MYO6: variants seen among roughly 807,000 people sequenced by gnomAD.
MYO6 encodes unconventional myosin-VI.
A neutral mutation model predicts 178.7 loss-of-function variants in MYO6; 74 were observed. That is an observed-to-expected ratio of 0.41 (90% CI 0.34 to 0.50). The LOEUF is 0.50. MYO6 is among the 20% of genes least tolerant of loss of function. The pLI is 0.09. For missense variants in MYO6, 1,330 were observed against 1,547.4 expected (o/e 0.86, Z 2.36); for synonymous variants, 477 against 504.6 (o/e 0.95, Z 0.73).
rs61037411 is a variant in MYO6, at chr6:75,864,260, T to C, written c.1674+1537T>C. Among the ~76,000 whole-genome samples, 535 of 152,308 alleles carry C rather than the reference T, an allele frequency of 3.5e-3. 2 individuals are homozygous for C. Among genetic ancestry groups the C allele is most frequent in the African/African-American group, 0.012 (495 of 41,558 alleles). On this transcript the variant is annotated intron_variant, in intron 16 of 34. Coordinates refer to ENST00000369977, the MANE Select transcript of MYO6 (RefSeq NM_004999.4). Reference sequence around the variant, plus strand: ...ACTTAAGTGAATGGTAACAAGTAGTTTTGTTTCTATTCATCATTAACAAAA... The same window carrying C: ...ACTTAAGTGAATGGTAACAAGTAGTCTTGTTTCTATTCATCATTAACAAAA...
intron 7 of MYO6, among the ~76,000 whole-genome samples, chr6:75,839,887 C>G (rs1774044388): frequency 6.6e-6 from 1 of 151,648 alleles, no homozygotes; most frequent in Non-Finnish European, 1.5e-5. Context: ...CCTATATTTT[C>G]TCACAAGAGG....
intron 1 of MYO6, among the ~76,000 whole-genome samples, chr6:75,776,653 AGTGTGTGTGTGT>A (rs35830759): frequency 2.1e-5 from 3 of 144,654 alleles, no homozygotes; most frequent in African/African-American, 5.1e-5. Context: ...AGAAACGTGC[AGTGTGTGTGTGT>A]GTGTGTGTGT....
intron 1 of MYO6, among the ~76,000 whole-genome samples, chr6:75,804,545 G>A (rs1016408404): frequency 2.0e-4 from 30 of 151,668 alleles, no homozygotes; most frequent in African/African-American, 6.1e-4. Context: ...CTGAGGGCAG[G>A]GATTTTGCCA....
At chr6:75,823,143 G>A (rs1010571766) in intron 3 of MYO6, among the ~76,000 whole-genome samples, 3 of 152,178 alleles carry the variant, frequency 2.0e-5, no homozygotes, top group African/African-American at 7.2e-5. Flanking sequence ...AGTTTTGAAA[G>A]TTATTGAACC....
In MYO6 at chr6:75,898,546, C is replaced by T. The variant is rs1581947363; in HGVS notation, c.3176+135C>T. 1.6e-5 allele frequency: 12 copies of T among 747,542 alleles called. No individual in the cohort carries two copies. The East Asian group carries it at 3.3e-4, about 21-fold the overall frequency. 46.3% of individuals were successfully genotyped at this position (747,542 alleles called of 1,614,324 possible). A position where few individuals can be genotyped will look rare whatever the true frequency, so the allele number is the denominator to read the frequency against. ...ATGTAAAGTGATATTTCTTTCTGTACAAGAAATATCACTTCTCCCTCACCC... is the reference window on the plus strand; with the variant it reads ...ATGTAAAGTGATATTTCTTTCTGTATAAGAAATATCACTTCTCCCTCACCC... On this transcript the variant is annotated intron_variant, in intron 30 of 34. Coordinates refer to ENST00000369977, the MANE Select transcript of MYO6 (RefSeq NM_004999.4).
chr6:75,767,624 A>G (rs1343224898), intron 1 of MYO6, among the ~76,000 whole-genome samples: 1 of 147,564 alleles, frequency 6.8e-6, no homozygotes, highest in Non-Finnish European at 1.5e-5. Context: ...GGCTTAAGCG[A>G]TCCTCCCACC....
In MYO6 at chr6:75,770,407, A is replaced by G. The variant is rs988405945; in HGVS notation, c.-48+20984A>G. 3.3e-5 allele frequency among the ~76,000 whole-genome samples: 5 copies of G among 152,190 alleles called. 1 individual carries two copies. Among genetic ancestry groups the G allele is most frequent in the Middle Eastern group, 6.3e-3 (2 of 316 alleles). On this transcript the variant is annotated intron_variant, in intron 1 of 34. Transcript: ENST00000369977. ...GAAAACAGCCAGAAGTAATGTTCTCATGTTGTTTATTATATATAGTATTTG... is the reference window on the plus strand; with the variant it reads ...GAAAACAGCCAGAAGTAATGTTCTCGTGTTGTTTATTATATATAGTATTTG...
chr6:75,879,751 A>T, intron 20 of MYO6, 69 bp from the exon 21 acceptor site: 1 of 1,610,726 alleles, frequency 6.2e-7, no homozygotes, highest in Non-Finnish European at 8.5e-7. Flanking sequence ...TACAAAAATG[A>T]TCATTCACAA....
chr6:75,892,599 G>C lies in MYO6; in HGVS notation c.3016G>C (p.Glu1006Gln). ...ESQQQAVLEQ[E>Q]RRDRELALRI... ...CCAACAGCAAGCAGTTCTGGAGCAG[G>C]AGCGCAGGGACCGGGAGCTGGCCCT... The change falls in exon 28 of 35, where the codon GAG (glutamate) becomes CAG (glutamine). Residue 1006 changes from glutamate (E) to glutamine (Q), a missense_variant. By Grantham distance (29) the Glu-to-Gln change is conservative (BLOSUM62 2). Coordinates refer to ENST00000369977, the MANE Select transcript of MYO6 (RefSeq NM_004999.4). 6.2e-7 allele frequency: 1 copy of C among 1,613,650 alleles called. No homozygotes were observed. Among genetic ancestry groups the C allele is most frequent in the East Asian group, 2.2e-5 (1 of 44,878 alleles).
chr6:75,819,246 A>C (rs1269047471), intron 2 of MYO6, among the ~76,000 whole-genome samples: 1 of 152,202 alleles, frequency 6.6e-6, no homozygotes, highest in Non-Finnish European at 1.5e-5. Flanking sequence ...TTTGAGGATT[A>C]ACAAGTTCTC....
chr6:75,790,450 T>C, intron 1 of MYO6, among the ~76,000 whole-genome samples: 1 of 151,590 alleles, frequency 6.6e-6, no homozygotes, highest in Non-Finnish European at 1.5e-5. Flanking sequence ...CGATCTCGGC[T>C]CACTCACTGC....
chr6:75,804,821 G>C (rs1455185002), intron 1 of MYO6, among the ~76,000 whole-genome samples: 3 of 150,272 alleles, frequency 2.0e-5, no homozygotes, highest in African/African-American at 7.4e-5. Context: ...ACTTTTAGTT[G>C]GTACTTAATG....
At chr6:75,913,013 A>G (rs1780878642) in intron 33 of MYO6, among the ~76,000 whole-genome samples, 1 of 152,144 alleles carries the variant, frequency 6.6e-6, no homozygotes, top group Non-Finnish European at 1.5e-5. Flanking sequence ...AGTATTTGCA[A>G]ATTCTTACAG....
At chr6:75,762,404 A>G (rs1041109781) in intron 1 of MYO6, among the ~76,000 whole-genome samples, 4 of 152,228 alleles carry the variant, frequency 2.6e-5, no homozygotes, top group Non-Finnish European at 5.9e-5. Context: ...TGATAGATGT[A>G]GTAAGGAGTA....
chr6:75,910,007 G>A (rs1331220220), intron 32 of MYO6, among the ~76,000 whole-genome samples: 1 of 152,078 alleles, frequency 6.6e-6, no homozygotes, highest in African/African-American at 2.4e-5. Context: ...TTGCTCCAGG[G>A]GTGTCAGTCA....
intron 1 of MYO6, among the ~76,000 whole-genome samples, chr6:75,802,844 T>C (rs1382621225): frequency 6.6e-6 from 1 of 152,118 alleles, no homozygotes; most frequent in East Asian, 1.9e-4. Flanking sequence ...GGGTGTATCA[T>C]TGGATAATAA....
intron 19 of MYO6, among the ~76,000 whole-genome samples, chr6:75,872,380 A>G (rs981776758): frequency 2.6e-5 from 4 of 152,192 alleles, no homozygotes; most frequent in African/African-American, 9.7e-5. Context: ...TGTTTGACAA[A>G]CAAATGTTAA....
In MYO6 at chr6:75,828,560, G is replaced by A. The variant is rs1461917255; in HGVS notation, c.208G>A (p.Glu70Lys). ...CTTAGGTTCACTAATGTATTTAAAT[G>A]AAGCCACACTGCTCCATAATATCAA... ...EDNCSLMYLN[E>K]ATLLHNIKVR... Residue 70 changes from glutamate to lysine, a missense_variant, in exon 4 of 35, where the codon GAA (glutamate) becomes AAA (lysine). By Grantham distance (56) the Glu-to-Lys change is moderately conservative. This residue lies in a region of MYO6 where 116 missense variants were observed against 104.6 expected (regional missense o/e 1.11). Transcript: ENST00000369977. 6.3e-7 allele frequency: 1 copy of A among 1,577,306 alleles called. No individual in the cohort carries two copies. Among genetic ancestry groups the A allele is most frequent in the Non-Finnish European group, 8.7e-7 (1 of 1,147,164 alleles).
intron 2 of MYO6, among the ~76,000 whole-genome samples, chr6:75,818,333 C>G (rs1318245570): frequency 6.6e-6 from 1 of 152,126 alleles, no homozygotes; most frequent in Non-Finnish European, 1.5e-5. Context: ...GAGACTGATA[C>G]AGTCTGTTTT....
Sources: allele counts gnomAD v4.1 joint callset (sites outside exome capture counted in the v4.1 genomes callset), GRCh38; gene constraint gnomAD v4.1.1; regional missense constraint gnomAD v4.1.1; transcripts MANE v1.5; gene names NCBI Gene and HGNC (gene_info 2026-07-23, HGNC 2026-07-21).